The following DLGAP4 variants were observed in gnomAD, a reference collection of about 807,000 sequenced individuals.
DLGAP4 encodes disks large-associated protein 4.
A neutral mutation model predicts 86.9 loss-of-function variants in DLGAP4; 18 were observed. That is an observed-to-expected ratio of 0.21 (90% confidence interval 0.14 to 0.31). The LOEUF (loss-of-function observed/expected upper bound fraction) is 0.31, where lower values mean the gene tolerates loss of function less well. Ranked by LOEUF, DLGAP4 falls within the 10% of genes least tolerant of loss-of-function variation. DLGAP4 has a pLI of 1.00. For missense variants in DLGAP4, 1,085 were observed against 1,362.6 expected, an observed-to-expected ratio of 0.80 and a Z score of 3.21; for synonymous variants, 548 against 574.3, an observed-to-expected ratio of 0.95 and a Z score of 0.65.
chr20:36,384,921 C>G (rs1163304719), intron 2 of DLGAP4, among the ~76,000 whole-genome samples: 1 of 152,152 alleles, frequency 6.6e-6, no homozygotes, highest in Non-Finnish European at 1.5e-5. Context: ...TGGTGAAGAG[C>G]AACTGGTTTC....
chr20:36,464,587 C>T (rs1016321526), intron 7 of DLGAP4, among the ~76,000 whole-genome samples: 4 of 152,122 alleles, frequency 2.6e-5, no homozygotes, highest in Admixed American at 2.0e-4. Context: ...CGCTGGCTCA[C>T]GCCTGTAATC....
At chr20:36,377,615 G>T (rs1024670929) in intron 2 of DLGAP4, among the ~76,000 whole-genome samples, 5 of 152,094 alleles carry the variant, frequency 3.3e-5, no homozygotes, top group Admixed American at 1.3e-4. Context: ...CCTGCCCTTC[G>T]GGACCCACTT....
intron 2 of DLGAP4, among the ~76,000 whole-genome samples, chr20:36,403,687 A>G (rs2032230275): frequency 6.6e-6 from 1 of 152,230 alleles, no homozygotes; most frequent in East Asian, 1.9e-4. Context: ...TTAGCAGCCT[A>G]AAACAACACT....
chr20:36,411,865 C>G (rs1422545900), intron 2 of DLGAP4, among the ~76,000 whole-genome samples: 1 of 152,236 alleles, frequency 6.6e-6, no homozygotes, highest in African/African-American at 2.4e-5. Context: ...ATGAAACGCT[C>G]TTCCCTGTAC....
intron 8 of DLGAP4, 109 bp from the exon 9 acceptor site, chr20:36,499,479 A>G: frequency 7.2e-7 from 1 of 1,379,516 alleles, no homozygotes; most frequent in Non-Finnish European, 1.0e-6. Context: ...GTCTGTCCAC[A>G]CGTCCGTTTG....
intron 1 of DLGAP4, among the ~76,000 whole-genome samples, chr20:36,309,619 G>A (rs896967088): frequency 1.6e-4 from 24 of 152,350 alleles, no homozygotes; most frequent in African/African-American, 5.8e-4. Context: ...AAGAGGGAGA[G>A]GGGCCATGCT....
At chr20:36,386,240 G>A (rs2031591895) in intron 2 of DLGAP4, among the ~76,000 whole-genome samples, 1 of 152,162 alleles carries the variant, frequency 6.6e-6, no homozygotes, top group African/African-American at 2.4e-5. Flanking sequence ...TGGGGCCAGG[G>A]TCAGGGGTCA....
intron 1 of DLGAP4, among the ~76,000 whole-genome samples, chr20:36,324,296 G>A (rs985718391): frequency 2.6e-5 from 4 of 152,036 alleles, no homozygotes; most frequent in Admixed American, 2.6e-4. Flanking sequence ...GTGTGGTGGC[G>A]GGCACCTGTA....
intron 1 of DLGAP4, among the ~76,000 whole-genome samples, chr20:36,336,988 T>A (rs1555892158): frequency 6.6e-6 from 1 of 152,146 alleles, no homozygotes; most frequent in African/African-American, 2.4e-5. Context: ...CATTTTGGAC[T>A]TAAAATAAAA....
chr20:36,349,500 A>G (rs554096018), intron 1 of DLGAP4, among the ~76,000 whole-genome samples: 1 of 152,110 alleles, frequency 6.6e-6, no homozygotes, highest in East Asian at 1.9e-4. Flanking sequence ...ATTTGAGCAC[A>G]GACCTGAATG....
intron 1 of DLGAP4, among the ~76,000 whole-genome samples, chr20:36,323,579 T>C (rs1380002225): frequency 1.3e-5 from 2 of 152,252 alleles, no homozygotes; most frequent in East Asian, 1.9e-4. Context: ...AGAAGTCTTT[T>C]GGGAAACTTT....
At chr20:36,506,370 G>A (rs965550450) in intron 10 of DLGAP4, among the ~76,000 whole-genome samples, 1 of 152,226 alleles carries the variant, frequency 6.6e-6, no homozygotes, top group Admixed American at 6.5e-5. Flanking sequence ...CTACCTGGGA[G>A]GGAAGAGGTC....
chr20:36,514,879 T>G (rs1267518600), intron 10 of DLGAP4, among the ~76,000 whole-genome samples: 1 of 152,138 alleles, frequency 6.6e-6, no homozygotes, highest in Non-Finnish European at 1.5e-5. Context: ...AACAGATAGC[T>G]TCTCCACAGT....
chr20:36,502,457 C>T (rs77585137), intron 10 of DLGAP4, among the ~76,000 whole-genome samples: 208 of 152,294 alleles, frequency 1.4e-3, no homozygotes, highest in Non-Finnish European at 2.4e-3. Flanking sequence ...CGAAGTAATC[C>T]TCTCACCTCA....
intron 12 of DLGAP4, chr20:36,526,220 T>G: frequency 1.5e-6 from 1 of 661,116 alleles, no homozygotes; most frequent in South Asian, 1.7e-5. Flanking sequence ...GCATGTGTCC[T>G]GCCCTGCATG....
intron 2 of DLGAP4, among the ~76,000 whole-genome samples, chr20:36,396,771 G>C (rs975396192): frequency 6.6e-6 from 1 of 152,024 alleles, no homozygotes; most frequent in Non-Finnish European, 1.5e-5. Flanking sequence ...GCCCTACTTA[G>C]CCTCAGTTTC....
intron 1 of DLGAP4, among the ~76,000 whole-genome samples, chr20:36,359,453 C>T (rs2030441913): frequency 6.6e-6 from 1 of 152,156 alleles, no homozygotes; most frequent in Admixed American, 6.5e-5. Flanking sequence ...AAATCCGTGC[C>T]CATGTGTTAT....
At chr20:36,478,186 AC>A (rs1322923091) in intron 7 of DLGAP4, among the ~76,000 whole-genome samples, 2 of 152,076 alleles carry the variant, frequency 1.3e-5, no homozygotes, top group Admixed American at 6.6e-5. Flanking sequence ...CTGGGCAATT[AC>A]CCCTCCTACT....
intron 9 of DLGAP4, 142 bp downstream of exon 9, chr20:36,499,818 G>A: frequency 4.8e-6 from 3 of 622,078 alleles, no homozygotes; most frequent in South Asian, 1.7e-5. Flanking sequence ...GGTGGCCCAG[G>A]CATGGGAGGC....
Sources: gnomAD v4.1 joint callset for allele counts (sites outside exome capture counted in the v4.1 genomes callset) on GRCh38, gnomAD v4.1.1 for gene constraint, MANE v1.5 for transcripts, NCBI Gene and HGNC (gene_info 2026-07-23, HGNC 2026-07-21) for gene names.